The following SGCZ variants were observed in gnomAD, a reference collection of about 807,000 sequenced individuals.
SGCZ encodes the protein zeta-sarcoglycan.
A neutral mutation model predicts 41.3 loss-of-function variants in SGCZ; 40 were observed. The ratio of observed to expected loss-of-function variants is 0.97; its 90% CI spans 0.75 to 1.26. SGCZ has a LOEUF of 1.26. SGCZ is among the 50% of genes most tolerant of loss of function. The probability of loss-of-function intolerance (pLI) is 0.00; values close to 1 mark genes in which losing one functional copy is unlikely to be tolerated. For missense variants in SGCZ, 552 were observed against 369.8 expected (o/e 1.49, Z -4.04); for synonymous variants, 206 against 137.5 (o/e 1.50, Z -3.49).
chr8:14,384,760 G>C (rs751771650), intron 2 of SGCZ, among the ~76,000 whole-genome samples: 2 of 152,000 alleles, frequency 1.3e-5, no homozygotes, highest in Non-Finnish European at 2.9e-5. Flanking sequence ...CATGTTGGCC[G>C]GGCTGGTCTT....
intron 2 of SGCZ, among the ~76,000 whole-genome samples, chr8:14,464,161 C>T (rs766877295): frequency 1.3e-4 from 19 of 151,472 alleles, no homozygotes; most frequent in African/African-American, 4.4e-4. Flanking sequence ...CCCTCCTCTT[C>T]GACATTTGTT....
At chr8:14,976,886 A>C (rs1801495871) in intron 1 of SGCZ, among the ~76,000 whole-genome samples, 1 of 152,234 alleles carries the variant, frequency 6.6e-6, no homozygotes, top group African/African-American at 2.4e-5. Flanking sequence ...TAGTGGCTTA[A>C]GTTCTAGAAA....
chr8:14,561,137 CAT>C (rs1455369307), intron 1 of SGCZ, among the ~76,000 whole-genome samples: 1 of 152,076 alleles, frequency 6.6e-6, no homozygotes, highest in South Asian at 2.1e-4. Flanking sequence ...AGAATAAAAA[CAT>C]ATAATTCTAA....
chr8:14,743,985 G>T (rs1194214583), intron 1 of SGCZ, among the ~76,000 whole-genome samples: 1 of 152,020 alleles, frequency 6.6e-6, no homozygotes, highest in East Asian at 1.9e-4. Context: ...AGCAAATATT[G>T]CCTCTTGAAT....
chr8:14,245,273 C>A (rs919935744), intron 3 of SGCZ, among the ~76,000 whole-genome samples: 10 of 152,198 alleles, frequency 6.6e-5, no homozygotes, highest in African/African-American at 2.2e-4. Flanking sequence ...CAGAACAGAG[C>A]CCTCAGAAAT....
chr8:14,131,151 C>G (rs1803028477), intron 5 of SGCZ, among the ~76,000 whole-genome samples: 1 of 152,136 alleles, frequency 6.6e-6, no homozygotes, highest in Non-Finnish European at 1.5e-5. Context: ...TCCTTGATTT[C>G]CTTGGAATGA....
At chr8:14,819,353 A>G (rs1802003130) in intron 1 of SGCZ, among the ~76,000 whole-genome samples, 1 of 152,106 alleles carries the variant, frequency 6.6e-6, no homozygotes, top group South Asian at 2.1e-4. Context: ...TTTCCTGGAA[A>G]TAGTACTCTT....
intron 1 of SGCZ, among the ~76,000 whole-genome samples, chr8:15,127,252 ACACAAACAAACACACACACAC>A (rs1807734818): frequency 4.7e-4 from 3 of 6,404 alleles, no homozygotes; most frequent in Non-Finnish European, 9.5e-4. Flanking sequence ...ACACACACAC[ACACAAACAAACACACACACAC>A]ACACACACAC....
At chr8:14,223,147 C>T (rs913246287) in intron 4 of SGCZ, among the ~76,000 whole-genome samples, 1 of 151,974 alleles carries the variant, frequency 6.6e-6, no homozygotes. Context: ...CATCTTACAT[C>T]GAATTATCAC....
At chr8:14,388,865 G>A (rs1033551266) in intron 2 of SGCZ, among the ~76,000 whole-genome samples, 1 of 151,494 alleles carries the variant, frequency 6.6e-6, no homozygotes, top group Non-Finnish European at 1.5e-5. Context: ...ATGAAGCACT[G>A]TGAAAGAGAT....
chr8:15,162,902 A>G (rs1458267104), intron 1 of SGCZ, among the ~76,000 whole-genome samples: 2 of 152,238 alleles, frequency 1.3e-5, no homozygotes, highest in African/African-American at 2.4e-5. Context: ...AGTCTAAATA[A>G]CTGAGATAGG....
chr8:15,172,154 GTTT>G (rs1183210302), intron 1 of SGCZ, among the ~76,000 whole-genome samples: 7 of 71,762 alleles, frequency 9.8e-5, no homozygotes, highest in African/African-American at 2.0e-4. Flanking sequence ...TTTATACTCT[GTTT>G]TTTTTTTTTT....
chr8:14,716,859 T>C (rs1212933345), intron 1 of SGCZ, among the ~76,000 whole-genome samples: 1 of 152,170 alleles, frequency 6.6e-6, no homozygotes, highest in Non-Finnish European at 1.5e-5. Flanking sequence ...GCCCATGCTA[T>C]ATAAACTTTC....
At chr8:14,809,932 A>G (rs767066101) in intron 1 of SGCZ, among the ~76,000 whole-genome samples, 1 of 152,154 alleles carries the variant, frequency 6.6e-6, no homozygotes, top group Non-Finnish European at 1.5e-5. Flanking sequence ...GGATATTTAG[A>G]TACTTAGAAT....
chr8:14,306,159 A>G (rs1276102667), intron 3 of SGCZ, among the ~76,000 whole-genome samples: 4 of 152,334 alleles, frequency 2.6e-5, no homozygotes, highest in Admixed American at 2.0e-4. Flanking sequence ...ATCATTACAT[A>G]TAACTTTTAG....
At chr8:14,394,143 C>T (rs1400614541) in intron 2 of SGCZ, among the ~76,000 whole-genome samples, 1 of 117,494 alleles carries the variant, frequency 8.5e-6, no homozygotes, top group East Asian at 3.4e-4. Flanking sequence ...CGCCCCCCAC[C>T]TTTTTTTTTT....
intron 1 of SGCZ, among the ~76,000 whole-genome samples, chr8:14,762,418 A>G (rs1799916690): frequency 6.6e-6 from 1 of 152,156 alleles, no homozygotes; most frequent in Non-Finnish European, 1.5e-5. Flanking sequence ...GCTTCCTCAT[A>G]TGTGAAATGG....
chr8:15,072,628 T>G (rs1293334444), intron 1 of SGCZ, among the ~76,000 whole-genome samples: 1 of 152,160 alleles, frequency 6.6e-6, no homozygotes, highest in Non-Finnish European at 1.5e-5. Flanking sequence ...GCCAGGAATT[T>G]ATGACATGGT....
chr8:14,963,623 C>T (rs756003166), intron 1 of SGCZ, among the ~76,000 whole-genome samples: 8 of 152,130 alleles, frequency 5.3e-5, no homozygotes, highest in Non-Finnish European at 8.8e-5. Flanking sequence ...GCTAGGATTA[C>T]GGGTGTGAGC....
Sources: gnomAD v4.1 joint callset for allele counts (sites outside exome capture counted in the v4.1 genomes callset) on GRCh38, gnomAD v4.1.1 for gene constraint, MANE v1.5 for transcripts, NCBI Gene and HGNC (gene_info 2026-07-23, HGNC 2026-07-21) for gene names.